RIT2: variants seen among roughly 807,000 people sequenced by gnomAD.
RIT2 encodes the protein GTP-binding protein Rit2.
Under a neutral mutation model 23.7 loss-of-function variants are expected in RIT2, and 24 were observed. The ratio of observed to expected loss-of-function variants is 1.01; its 90% confidence interval spans 0.73 to 1.43. The LOEUF (loss-of-function observed/expected upper bound fraction) is 1.43, where lower values mean the gene tolerates loss of function less well. Among genes scored for constraint, RIT2 ranks in the 40% most tolerant of loss-of-function variants. The pLI, the probability that RIT2 is intolerant of heterozygous loss-of-function variation, is 0.00. For missense variants in RIT2, 236 were observed against 266.9 expected, an observed-to-expected ratio of 0.88 and a Z score of 0.81; for synonymous variants, 107 against 91.1, an observed-to-expected ratio of 1.17 and a Z score of -0.99.
intron 4 of RIT2, among the ~76,000 whole-genome samples, chr18:42,885,787 T>G (rs1300259574): frequency 6.6e-6 from 1 of 152,170 alleles, no homozygotes. Flanking sequence ...TTGAAAGGTT[T>G]AACACATATT....
chr18:43,028,076 A>C (rs1042051787), intron 2 of RIT2, among the ~76,000 whole-genome samples: 4 of 152,144 alleles, frequency 2.6e-5, no homozygotes, highest in Admixed American at 1.3e-4. Context: ...GAAGATGAAC[A>C]AAAAATTAAT....
At chr18:42,749,542 G>A (rs1457976233) in intron 4 of RIT2, among the ~76,000 whole-genome samples, 3 of 151,728 alleles carry the variant, frequency 2.0e-5, no homozygotes, top group Non-Finnish European at 4.4e-5. Context: ...TTTTTATAAA[G>A]ATGTCAAAAT....
intron 2 of RIT2, among the ~76,000 whole-genome samples, chr18:43,025,066 G>A (rs1186625381): frequency 2.0e-5 from 3 of 151,782 alleles, no homozygotes; most frequent in East Asian, 1.9e-4. Flanking sequence ...AAATTAGTAG[G>A]GCATTGTGGC....
At chr18:43,076,885 C>T (rs1913033003) in intron 1 of RIT2, among the ~76,000 whole-genome samples, 1 of 151,774 alleles carries the variant, frequency 6.6e-6, no homozygotes, top group Admixed American at 6.6e-5. Context: ...GGGCGGATCA[C>T]GAGGTCAGGA....
intron 1 of RIT2, among the ~76,000 whole-genome samples, chr18:43,103,302 T>C (rs1277756938): frequency 6.6e-6 from 1 of 152,232 alleles, no homozygotes; most frequent in Non-Finnish European, 1.5e-5. Context: ...AAGGGTATTA[T>C]GTTTATAAAT....
chr18:43,057,930 T>C (rs1035508957), intron 1 of RIT2, among the ~76,000 whole-genome samples: 4 of 151,888 alleles, frequency 2.6e-5, no homozygotes, highest in South Asian at 4.1e-4. Flanking sequence ...CAACACATAA[T>C]AGAATTTTGG....
chr18:42,915,634 G>A (rs1234484742), intron 4 of RIT2, among the ~76,000 whole-genome samples: 5 of 152,016 alleles, frequency 3.3e-5, no homozygotes, highest in Non-Finnish European at 1.5e-5. Context: ...AGTTCAATCT[G>A]AGGAAACACA....
rs1343562438 is a variant in RIT2, at chr18:43,092,599, T to C, written c.103+22818A>G. On this transcript the variant is annotated intron_variant, in intron 1 of 4. Transcript: ENST00000326695. ...ATTTCAAAGACATACTAAGTCCTTC[T>C]TCAGATCAAAAACCAATGTGATTAC... Among the ~76,000 whole-genome samples the C allele has an allele frequency of 2.6e-5, 4 of 152,016 alleles. No homozygotes were observed. The South Asian group carries it at 6.2e-4, about 24-fold the overall frequency.
intron 2 of RIT2, among the ~76,000 whole-genome samples, chr18:43,014,570 C>A (rs1911428457): frequency 6.9e-6 from 1 of 145,822 alleles, no homozygotes; most frequent in Admixed American, 7.1e-5. Context: ...GGCCTTTACT[C>A]CTATCTCAGA....
chr18:42,755,765 A>C (rs1027162854), intron 4 of RIT2, among the ~76,000 whole-genome samples: 1 of 152,180 alleles, frequency 6.6e-6, no homozygotes, highest in Admixed American at 6.6e-5. Flanking sequence ...AGGCTACAAT[A>C]AACAGAGGAG....
intron 2 of RIT2, among the ~76,000 whole-genome samples, chr18:42,999,761 A>G (rs1250479311): frequency 6.6e-6 from 1 of 152,086 alleles, no homozygotes; most frequent in African/African-American, 2.4e-5. Context: ...AAGATACAAA[A>G]AGACAATATA....
chr18:42,781,198 A>ATG (rs1913804159), intron 4 of RIT2, among the ~76,000 whole-genome samples: 17 of 152,132 alleles, frequency 1.1e-4, no homozygotes, highest in Admixed American at 1.0e-3. Context: ...TATGTATTGT[A>ATG]TAAGGAGTAA....
chr18:42,985,601 T>C (rs1426634182), intron 2 of RIT2, among the ~76,000 whole-genome samples: 2 of 152,098 alleles, frequency 1.3e-5, no homozygotes, highest in Non-Finnish European at 2.9e-5. Context: ...TTTTTTAATA[T>C]TACAGTTGGC....
rs536328528 is a variant in RIT2, at chr18:43,109,972, T to C, written c.103+5445A>G. Among the ~76,000 whole-genome samples the C allele has an allele frequency of 1.4e-4, 21 of 152,280 alleles. No individual in the cohort carries two copies. The East Asian group carries it at 4.1e-3, about 29-fold the overall frequency. ...AAAAACAATTTAGATGTAGAAAGCCTGTGTTCATGTCCAGTCCTTATTTTC... is the reference window on the plus strand; with the variant it reads ...AAAAACAATTTAGATGTAGAAAGCCCGTGTTCATGTCCAGTCCTTATTTTC... On this transcript the variant is annotated intron_variant, in intron 1 of 4. Coordinates refer to ENST00000326695, the MANE Select transcript of RIT2 (RefSeq NM_002930.4).
At position 43,105,100 on chromosome 18, in the gene RIT2, CTGTGTG is replaced by C. The variant is rs756311809; in HGVS notation, c.103+10311_103+10316del. On this transcript the variant is annotated intron_variant, in intron 1 of 4. Coordinates refer to ENST00000326695, the MANE Select transcript of RIT2 (RefSeq NM_002930.4). ...AGTCCTTTCTCTAACAGGCAGTGTGCTGTGTGTGTGTGTGTGTGTGTGTGTGTGTGT... is the reference window on the plus strand; with the variant it reads ...AGTCCTTTCTCTAACAGGCAGTGTGCTGTGTGTGTGTGTGTGTGTGTGTGT... 1.2e-3 allele frequency among the ~76,000 whole-genome samples: 168 copies of C among 143,060 alleles called. 1 individual carries two copies. The highest frequency in any genetic ancestry group is 2.5e-3 in the East Asian group (12 of 4,854). The allele number at this position is 143,060 out of a possible 152,430, so 93.9% of individuals were successfully genotyped here.
chr18:42,951,230 T>C (rs531449309), intron 3 of RIT2, among the ~76,000 whole-genome samples: 3 of 152,204 alleles, frequency 2.0e-5, no homozygotes, highest in African/African-American at 4.8e-5. Context: ...ATATACACCA[T>C]GGACTATTAT....
chr18:42,753,140 C>T (rs1259011529), intron 4 of RIT2, among the ~76,000 whole-genome samples: 3 of 152,198 alleles, frequency 2.0e-5, no homozygotes, highest in Admixed American at 6.5e-5. Context: ...AGAGCCTGTT[C>T]TAGTCCAGCC....
chr18:42,974,241 C>T lies in RIT2; in HGVS notation c.161-94G>A, dbSNP rs552157487. ...TATAGAAGAATTTCTAAGTAAGTTA[C>T]TAAGATAATTAGAAATATTCCTCAA... On this transcript the variant is annotated intron_variant, in intron 2 of 4. Transcript: ENST00000326695. The T allele has an allele frequency of 5.2e-6, 4 of 768,310 alleles. No individual in the cohort carries two copies. The East Asian group carries it at 1.1e-4, about 22-fold the overall frequency. The allele number at this position is 768,310 out of a possible 1,614,324, so 47.6% of individuals were successfully genotyped here.
intron 2 of RIT2, among the ~76,000 whole-genome samples, chr18:42,995,547 A>AT (rs1910961136): frequency 6.6e-6 from 1 of 152,028 alleles, no homozygotes; most frequent in Non-Finnish European, 1.5e-5. Flanking sequence ...TCAGTCAAGC[A>AT]TTTTTTCAGG....
Sources: gnomAD v4.1 joint callset for allele counts (sites outside exome capture counted in the v4.1 genomes callset) on GRCh38, gnomAD v4.1.1 for gene constraint, MANE v1.5 for transcripts, NCBI Gene and HGNC (gene_info 2026-07-23, HGNC 2026-07-21) for gene names.